ADD3: variants seen among roughly 807,000 people sequenced by gnomAD.
ADD3 encodes adducin 3, also known as gamma-adducin.
ADD3 carries 25 observed loss-of-function variants against 80.2 expected under a neutral mutation model. The ratio of observed to expected loss-of-function variants is 0.31; its 90% confidence interval spans 0.23 to 0.44. ADD3 has a LOEUF of 0.44. ADD3 is among the 20% of genes least tolerant of loss of function. ADD3 has a pLI of 1.00. For missense variants in ADD3, 829 were observed against 847.5 expected (o/e 0.98, Z 0.27); for synonymous variants, 284 against 289.6 (o/e 0.98, Z 0.20).
intron 1 of ADD3, among the ~76,000 whole-genome samples, chr10:110,078,324 T>A (rs192255975): frequency 6.6e-6 from 1 of 152,338 alleles, no homozygotes; most frequent in East Asian, 1.9e-4. Context: ...TACCCTAATT[T>A]TCTTTGTAAA....
intron 1 of ADD3, among the ~76,000 whole-genome samples, chr10:110,020,784 G>T (rs1460243602): frequency 2.0e-5 from 3 of 152,200 alleles, no homozygotes; most frequent in Admixed American, 6.5e-5. Context: ...ATATTTTAAA[G>T]ATAGAATCAA....
chr10:110,002,224 G>A (rs1851499852), upstream of ADD3, among the ~76,000 whole-genome samples: 1 of 152,072 alleles, frequency 6.6e-6, no homozygotes, highest in African/African-American at 2.4e-5. Flanking sequence ...CCCAGGAGGT[G>A]GAGGTCACAG....
At chr10:110,040,163 C>A (rs138483748) in intron 1 of ADD3, among the ~76,000 whole-genome samples, 1 of 151,724 alleles carries the variant, frequency 6.6e-6, no homozygotes, top group Non-Finnish European at 1.5e-5. Flanking sequence ...TTAGGTAAAT[C>A]GTTAGGAAAG....
rs1230336153 is a variant in ADD3, at chr10:110,063,784, A to ATATATATATATAT, written c.-29-36841_-29-36840insTATATATATATAT. On this transcript the variant is annotated intron_variant, in intron 1 of 14. Coordinates refer to ENST00000356080, the MANE Select transcript of ADD3 (RefSeq NM_016824.5). ...ATATATATATATATATATATATATAAAGTGAACACCGTGTGTAACCTACCT... is the reference window on the plus strand; with the variant it reads ...ATATATATATATATATATATATATAATATATATATATATAGTGAACACCGTGTGTAACCTACCT... Among the ~76,000 whole-genome samples the ATATATATATATAT allele has an allele frequency of 5.6e-5, 3 of 53,316 alleles. 1 individual carries two copies. The highest frequency in any genetic ancestry group is 5.1e-4 in the East Asian group (1 of 1,946). The allele number at this position is 53,316 out of a possible 152,430, so 35.0% of individuals were successfully genotyped here.
upstream of ADD3, among the ~76,000 whole-genome samples, chr10:110,005,124 G>C (rs888307918): frequency 6.6e-6 from 1 of 151,846 alleles, no homozygotes; most frequent in African/African-American, 2.4e-5. Flanking sequence ...GTGCAGTGGC[G>C]CGATCTTGGC....
intron 1 of ADD3, among the ~76,000 whole-genome samples, chr10:110,009,919 A>T (rs1467101107): frequency 6.6e-6 from 1 of 152,238 alleles, no homozygotes; most frequent in East Asian, 1.9e-4. Context: ...TGTTTGGTGA[A>T]CATTTGACAT....
intron 1 of ADD3, among the ~76,000 whole-genome samples, chr10:110,068,036 A>T (rs1052416179): frequency 1.3e-5 from 2 of 152,134 alleles, no homozygotes; most frequent in Non-Finnish European, 2.9e-5. Context: ...AGTTAAACAA[A>T]ACCAAAATTG....
chr10:110,057,132 A>AT (rs1382955066), intron 1 of ADD3, among the ~76,000 whole-genome samples: 1 of 151,974 alleles, frequency 6.6e-6, no homozygotes, highest in African/African-American at 2.4e-5. Context: ...GACCCAGTGC[A>AT]TTTTTTCATA....
intron 1 of ADD3, among the ~76,000 whole-genome samples, chr10:110,034,776 G>A (rs1042804260): frequency 2.0e-5 from 3 of 152,128 alleles, no homozygotes; most frequent in Non-Finnish European, 4.4e-5. Flanking sequence ...TTTAAAAAAT[G>A]TTATATCTAA....
At chr10:110,100,210 C>T (rs1184819216) in intron 1 of ADD3, among the ~76,000 whole-genome samples, 1 of 151,998 alleles carries the variant, frequency 6.6e-6, no homozygotes, top group African/African-American at 2.4e-5. Flanking sequence ...ATTAGCTGGG[C>T]ATGGTGGCAC....
intron 1 of ADD3, among the ~76,000 whole-genome samples, chr10:110,099,134 G>A (rs1590113944): frequency 7.5e-6 from 1 of 133,830 alleles, no homozygotes; most frequent in African/African-American, 2.8e-5. Flanking sequence ...TCACTATGTT[G>A]CCCAGGTTGA....
rs1405364835 is a variant in ADD3 at position 110,116,241 on chromosome 10, C to A, written c.335-18C>A. On this transcript the variant is annotated intron_variant, in intron 3 of 14. Transcript: ENST00000356080. ...ATTGCATGACTCGTATCTCTCTCCA[C>A]ATTTTTTGCTCTTTTAGGTCTTGGC... 3 of 1,612,332 alleles carry A rather than the reference C, an allele frequency of 1.9e-6. No homozygotes were observed. Among genetic ancestry groups the A allele is most frequent in the Non-Finnish European group, 2.5e-6 (3 of 1,179,174 alleles).
intron 12 of ADD3, among the ~76,000 whole-genome samples, chr10:110,129,546 C>T (rs1487322827): frequency 1.3e-5 from 2 of 152,148 alleles, no homozygotes; most frequent in African/African-American, 2.4e-5. Context: ...GAATCTGTTT[C>T]CTATTCAGAC....
At chr10:110,077,320 A>G (rs868248947) in intron 1 of ADD3, among the ~76,000 whole-genome samples, 9 of 151,786 alleles carry the variant, frequency 5.9e-5, no homozygotes, top group Middle Eastern at 3.4e-3. Context: ...TCTTTCTTAA[A>G]CAGTTTACTG....
chr10:110,047,685 A>T (rs1857052974), intron 1 of ADD3, among the ~76,000 whole-genome samples: 1 of 152,216 alleles, frequency 6.6e-6, no homozygotes, highest in Admixed American at 6.5e-5. Context: ...AAGGAAAGAT[A>T]GTTATAGGAA....
chr10:110,040,463 C>T (rs1369613911), intron 1 of ADD3, among the ~76,000 whole-genome samples: 3 of 152,186 alleles, frequency 2.0e-5, no homozygotes, highest in East Asian at 3.8e-4. Context: ...TGATGATTAT[C>T]ATCCATAATT....
Position 110,083,511 on chromosome 10 carries a change from G to A in ADD3, c.-29-17114G>A, listed in dbSNP as rs1004887060. Among the ~76,000 whole-genome samples, 9 of 149,366 alleles carry A rather than the reference G, an allele frequency of 6.0e-5. No homozygotes were observed. In the East Asian group the frequency reaches 1.2e-3, roughly 19 times the overall value. On this transcript the variant is annotated intron_variant, in intron 1 of 14. Transcript: ENST00000356080. The stretch of plus-strand genomic sequence containing the variant: ...AGCCTGGGTGACAGAGCAAGACTCC[G>A]TCTCAAAAAAAAAAAGAAAATAGAA...
At chr10:110,084,272 C>G (rs1846424523) in intron 1 of ADD3, among the ~76,000 whole-genome samples, 1 of 152,164 alleles carries the variant, frequency 6.6e-6, no homozygotes. Context: ...ATGGAAATAA[C>G]ACCAACAAAA....
chr10:110,068,658 G>A lies in ADD3; in HGVS notation c.-29-31967G>A, dbSNP rs900998237. 8.2e-4 allele frequency among the ~76,000 whole-genome samples: 125 copies of A among 152,194 alleles called. 2 individuals carry two copies. Among genetic ancestry groups the A allele is most frequent in the Non-Finnish European group, 2.4e-4 (16 of 68,036 alleles). Reference sequence around the variant, plus strand: ...TTTCCTACTCCAGGATTAAACTCCTGAAGTGAACGTTTTGAAAGGCAAAAG... The same window carrying A: ...TTTCCTACTCCAGGATTAAACTCCTAAAGTGAACGTTTTGAAAGGCAAAAG... On this transcript the variant is annotated intron_variant, in intron 1 of 14. Transcript: ENST00000356080.
Sources: allele counts gnomAD v4.1 joint callset (sites outside exome capture counted in the v4.1 genomes callset), GRCh38; gene constraint gnomAD v4.1.1; transcripts MANE v1.5; gene names NCBI Gene and HGNC (gene_info 2026-07-23, HGNC 2026-07-21).